LIPA: variants seen among roughly 807,000 people sequenced by gnomAD.
LIPA encodes the protein lipase A, lysosomal acid type.
A neutral mutation model predicts 40.6 loss-of-function variants in LIPA; 26 were observed. That is an observed-to-expected ratio of 0.64 (90% CI 0.47 to 0.89). The LOEUF is 0.89. Among genes scored for constraint, LIPA ranks in the 40% least tolerant of loss-of-function variants. LIPA has a pLI of 0.00. For missense variants in LIPA, 455 were observed against 479.6 expected (o/e 0.95, Z 0.48); for synonymous variants, 188 against 168.4 (o/e 1.12, Z -0.90).
chr10:89,389,328 G>A (rs1209350301), intron 2 of LIPA, among the ~76,000 whole-genome samples: 1 of 152,184 alleles, frequency 6.6e-6, no homozygotes, highest in Non-Finnish European at 1.5e-5. Context: ...CATCTTGTGT[G>A]TCTTTCATGT....
intron 2 of LIPA, among the ~76,000 whole-genome samples, chr10:89,381,050 A>G (rs970811529): frequency 3.3e-5 from 5 of 152,170 alleles, no homozygotes; most frequent in African/African-American, 1.2e-4. Flanking sequence ...CTATCAATGC[A>G]TGGCCATGAT....
chr10:89,231,080 A>G (rs1397307551), intron 3 of LIPA, among the ~76,000 whole-genome samples: 2 of 152,244 alleles, frequency 1.3e-5, no homozygotes, highest in Non-Finnish European at 2.9e-5. Context: ...GGACAGTGAC[A>G]GCATAGAAAA....
intron 1 of LIPA, among the ~76,000 whole-genome samples, chr10:89,314,245 T>C (rs1351817498): frequency 6.6e-6 from 1 of 152,216 alleles, no homozygotes; most frequent in Non-Finnish European, 1.5e-5. Context: ...TCCCATCTGA[T>C]TTTATATTTA....
chr10:89,302,163 T>A, intron 1 of LIPA: 1 of 1,611,258 alleles, frequency 6.2e-7, no homozygotes, highest in Non-Finnish European at 8.5e-7. Context: ...GTAGTGCTGT[T>A]GAGTCATCTT....
At chr10:89,228,716 T>C (rs1842803122) in intron 3 of LIPA, among the ~76,000 whole-genome samples, 2 of 152,212 alleles carry the variant, frequency 1.3e-5, no homozygotes, top group Admixed American at 1.3e-4. Flanking sequence ...TTATAAAATG[T>C]TTTTACAATT....
At chr10:89,353,726 G>T (rs2133588006) in intron 2 of LIPA, among the ~76,000 whole-genome samples, 1 of 152,224 alleles carries the variant, frequency 6.6e-6, no homozygotes. Flanking sequence ...AGATCACGAG[G>T]TCAGAAGATC....
intron 2 of LIPA, among the ~76,000 whole-genome samples, chr10:89,350,871 A>T (rs1843954853): frequency 6.6e-6 from 1 of 152,166 alleles, no homozygotes; most frequent in Non-Finnish European, 1.5e-5. Context: ...ACAGGCAGTT[A>T]ATTTTTTAAA....
rs1386954007 is a variant in LIPA, at chr10:89,379,817, G to A, written c.61+32974C>T. ...TGGGAGGCCGAGATGGGCAGATCAC[G>A]AGGTCAGGAGATCAAGACCATCCTG... On this transcript the variant is annotated intron_variant, in intron 2 of 8. Coordinates refer to the LIPA transcript ENST00000371837. 2.6e-5 allele frequency among the ~76,000 whole-genome samples: 4 copies of A among 152,072 alleles called. No homozygotes were observed. The East Asian group carries it at 5.8e-4, about 22-fold the overall frequency.
At chr10:89,221,569 T>C (rs1408973300) in intron 8 of LIPA, among the ~76,000 whole-genome samples, 1 of 152,170 alleles carries the variant, frequency 6.6e-6, no homozygotes, top group Non-Finnish European at 1.5e-5. Context: ...CTGCCAGGTG[T>C]TTGGAAATTA....
At chr10:89,217,628 C>T (rs1429289084) in intron 8 of LIPA, among the ~76,000 whole-genome samples, 1 of 152,208 alleles carries the variant, frequency 6.6e-6, no homozygotes, top group Non-Finnish European at 1.5e-5. Flanking sequence ...GGACTTCAAG[C>T]TATCCACTTG....
chr10:89,319,797 G>C (rs1009907633), intron 1 of LIPA, among the ~76,000 whole-genome samples: 1 of 152,062 alleles, frequency 6.6e-6, no homozygotes, highest in Non-Finnish European at 1.5e-5. Flanking sequence ...GATGAACATC[G>C]ATGCAATGCA....
At chr10:89,226,558 A>T (rs1402774518) in intron 5 of LIPA, among the ~76,000 whole-genome samples, 5 of 152,222 alleles carry the variant, frequency 3.3e-5, no homozygotes, top group Non-Finnish European at 7.3e-5. Context: ...TATTCCACTT[A>T]ACTTCAGAAG....
intron 1 of LIPA, among the ~76,000 whole-genome samples, chr10:89,289,759 G>A (rs1263286043): frequency 6.6e-6 from 1 of 152,094 alleles, no homozygotes; most frequent in African/African-American, 2.4e-5. Context: ...TGGTGACAAA[G>A]TATACTCTAA....
intron 3 of LIPA, among the ~76,000 whole-genome samples, chr10:89,233,401 AG>A (rs1227278839): frequency 6.6e-6 from 1 of 152,222 alleles, no homozygotes; most frequent in Non-Finnish European, 1.5e-5. Context: ...TAGAGAATGG[AG>A]GCCACTCAGC....
chr10:89,401,710 G>A (rs1015769219), intron 2 of LIPA, among the ~76,000 whole-genome samples: 8 of 151,990 alleles, frequency 5.3e-5, no homozygotes, highest in Admixed American at 5.2e-4. Flanking sequence ...TGGAGAAAGT[G>A]GGTGAAGGAT....
chr10:89,326,026 C>A (rs140137530), intron 1 of LIPA, among the ~76,000 whole-genome samples: 2 of 152,040 alleles, frequency 1.3e-5, no homozygotes, highest in Non-Finnish European at 2.9e-5. Context: ...GATAACAGTT[C>A]GGAGGTTCCT....
At chr10:89,371,082 T>C (rs916526763) in intron 2 of LIPA, among the ~76,000 whole-genome samples, 2 of 152,130 alleles carry the variant, frequency 1.3e-5, no homozygotes, top group Non-Finnish European at 2.9e-5. Flanking sequence ...AGGGGCAAAA[T>C]TGCCCCCATT....
At chr10:89,277,978 C>T (rs916379837) in intron 1 of LIPA, 3 of 152,062 alleles carry the variant, frequency 2.0e-5, no homozygotes, top group East Asian at 1.9e-4. Context: ...CTACATAATA[C>T]GAGGTATAAG....
chr10:89,266,713 A>G (rs1843238102), intron 1 of LIPA, among the ~76,000 whole-genome samples: 1 of 152,228 alleles, frequency 6.6e-6, no homozygotes, highest in South Asian at 2.1e-4. Context: ...ACTATTTTCC[A>G]TTTCCCAGTT....
Sources: gnomAD v4.1 joint callset for allele counts (sites outside exome capture counted in the v4.1 genomes callset) on GRCh38, gnomAD v4.1.1 for gene constraint, MANE v1.5 for transcripts, NCBI Gene and HGNC (gene_info 2026-07-23, HGNC 2026-07-21) for gene names.